DEK: variants seen among roughly 807,000 people sequenced by gnomAD.
The protein encoded by DEK is protein DEK.
DEK carries 28 observed loss-of-function variants against 46.8 expected under a neutral mutation model. The observed-to-expected ratio is 0.60, with a 90% CI of 0.44 to 0.82. DEK has a LOEUF of 0.82. Among genes scored for constraint, DEK ranks in the 40% least tolerant of loss-of-function variants. DEK has a pLI of 0.00. For synonymous variants in DEK, 160 were observed against 144.5 expected (o/e 1.11, Z -0.77); for missense variants, 416 against 430.6 (o/e 0.97, Z 0.30).
chr6:18,224,753 T>C lies in DEK; in HGVS notation c.*966A>G, dbSNP rs1790034715. 1 of 214,980 alleles carries C rather than the reference T, an allele frequency of 4.7e-6. No homozygotes were observed. The highest frequency in any genetic ancestry group is 5.8e-5 in the Admixed American group (1 of 17,154). 13.3% of individuals were successfully genotyped at this position (214,980 alleles called of 1,614,324 possible). A position where few individuals can be genotyped will look rare whatever the true frequency, so the allele number is the denominator to read the frequency against. ...TTCCAGTAAATATCAGCATTTTATA[T>C]GGGCAAAAGCAGTTAATAAAAATCA... On this transcript the variant is annotated 3_prime_UTR_variant, in exon 11 of 11. Transcript: ENST00000652689.
At chr6:18,245,978 G>T (rs914870706) in intron 7 of DEK, among the ~76,000 whole-genome samples, 3 of 152,246 alleles carry the variant, frequency 2.0e-5, no homozygotes, top group Non-Finnish European at 2.9e-5. Flanking sequence ...TTGCTGCCGC[G>T]TAAGATGGGT....
intron 6 of DEK, among the ~76,000 whole-genome samples, chr6:18,252,939 T>C (rs1334535154): frequency 6.6e-6 from 1 of 152,210 alleles, no homozygotes; most frequent in African/African-American, 2.4e-5. Flanking sequence ...CAATAAATAC[T>C]GTGTTAACTC....
Position 18,225,002 on chromosome 6 carries a change from TC to T in DEK, c.*716del. ...CCATCACTGAATTGACTTTCACTGT[TC>T]CATCATACTGTTTGGCTGAACACTG... On this transcript the variant is annotated 3_prime_UTR_variant, in exon 11 of 11. Transcript: ENST00000652689. 1.4e-5 allele frequency: 3 copies of T among 217,736 alleles called. No individual in the cohort carries two copies. The highest frequency in any genetic ancestry group is 2.8e-5 in the Non-Finnish European group (3 of 107,990). 13.5% of individuals were successfully genotyped at this position (217,736 alleles called of 1,614,324 possible).
intron 6 of DEK, among the ~76,000 whole-genome samples, chr6:18,251,430 T>C (rs1186325228): frequency 6.6e-6 from 1 of 152,196 alleles, no homozygotes; most frequent in Non-Finnish European, 1.5e-5. Flanking sequence ...TTGTATAATA[T>C]GGTACTCTTG....
At chr6:18,245,970 G>A (rs1396442115) in intron 7 of DEK, among the ~76,000 whole-genome samples, 1 of 152,250 alleles carries the variant, frequency 6.6e-6, no homozygotes, top group Non-Finnish European at 1.5e-5. Context: ...CCTCTTGCTT[G>A]CTGCCGCGTA....
At chr6:18,239,361 T>TAAA (rs377497301) in intron 7 of DEK, among the ~76,000 whole-genome samples, 13 of 120,484 alleles carry the variant, frequency 1.1e-4, no homozygotes, top group African/African-American at 4.0e-4. Context: ...TTTTTTTTTT[T>TAAA]AAAAAAAAGA....
At position 18,255,017 on chromosome 6, in the gene DEK, G is replaced by T. The variant is rs1469263421; in HGVS notation, c.573+714C>A. 2.0e-5 allele frequency among the ~76,000 whole-genome samples: 3 copies of T among 152,270 alleles called. No homozygotes were observed. In the East Asian group the frequency reaches 5.8e-4, roughly 29 times the overall value. ...TTCCCCTGAACTCCTAGGCCTGCTA[G>T]ATCTCTCACACTTCCTTTCCTGTCA... On this transcript the variant is annotated intron_variant, in intron 6 of 10. Transcript: ENST00000652689.
intron 4 of DEK, among the ~76,000 whole-genome samples, chr6:18,257,337 T>G (rs1398329879): frequency 1.3e-5 from 2 of 152,218 alleles, no homozygotes; most frequent in African/African-American, 4.8e-5. Context: ...TTCAATACAT[T>G]TAAAGGTCAC....
chr6:18,236,582 C>G lies in DEK; in HGVS notation c.917G>C (p.Ser306Thr), dbSNP rs1489205608. The change falls in exon 9 of 11, where the codon AGT becomes ACT. Residue 306 changes from serine (S) to threonine (T), a missense_variant. Transcript: ENST00000652689. ...SSKKESESEDSSDDEPLIKKL... is the reference protein window; with the variant it reads ...SSKKESESEDTSDDEPLIKKL... Reference sequence around the variant, plus strand: ...TTTAATTAAAGGTTCATCATCTGAACTATCCTCAGACTCACTTTCTAAAAG... The same window carrying G: ...TTTAATTAAAGGTTCATCATCTGAAGTATCCTCAGACTCACTTTCTAAAAG... 1 of 1,562,872 alleles carries G rather than the reference C, an allele frequency of 6.4e-7. No homozygotes were observed. Among genetic ancestry groups the G allele is most frequent in the South Asian group, 1.2e-5 (1 of 81,812 alleles).
chr6:18,227,669 A>C (rs1403004344), intron 9 of DEK, among the ~76,000 whole-genome samples: 1 of 152,198 alleles, frequency 6.6e-6, no homozygotes, highest in African/African-American at 2.4e-5. Flanking sequence ...AAACACCCAC[A>C]GGTGTGGAGG....
At chr6:18,255,482 TC>T (rs1339123235) in intron 6 of DEK, among the ~76,000 whole-genome samples, 3 of 152,216 alleles carry the variant, frequency 2.0e-5, no homozygotes, top group African/African-American at 7.2e-5. Flanking sequence ...GTACTTTCTG[TC>T]CCTTCTGACA....
chr6:18,237,442 A>T lies in DEK; in HGVS notation c.837T>A (p.Ser279Arg), dbSNP rs138816210. Reference protein sequence around the residue: ...ATSKSKKSVKSANVKKADSST... With the variant: ...ATSKSKKSVKRANVKKADSST... ...TGCTATCTGCTTTCTTAACATTGGCACTTTTCACAGATTTTTTACTTTTAG... is the reference window on the plus strand; with the variant it reads ...TGCTATCTGCTTTCTTAACATTGGCTCTTTTCACAGATTTTTTACTTTTAG... Residue 279 changes from serine (S) to arginine (R), a missense_variant, in exon 8 of 11, where the codon AGT becomes AGA. Coordinates refer to ENST00000652689, the MANE Select transcript of DEK (RefSeq NM_003472.4). The T allele has an allele frequency of 4.2e-5, 67 of 1,610,198 alleles. 1 individual carries two copies. In the African/African-American group the frequency reaches 7.7e-4, roughly 18 times the overall value.
At position 18,225,112 on chromosome 6, in the gene DEK, T is replaced by C. The variant is rs1332365795; in HGVS notation, c.*607A>G. 1 of 215,810 alleles carries C rather than the reference T, an allele frequency of 4.6e-6. No individual in the cohort carries two copies. Among genetic ancestry groups the C allele is most frequent in the Non-Finnish European group, 9.4e-6 (1 of 106,842 alleles). The allele number at this position is 215,810 out of a possible 1,614,324, so 13.4% of individuals were successfully genotyped here. On this transcript the variant is annotated 3_prime_UTR_variant, in exon 11 of 11. Coordinates refer to ENST00000652689, the MANE Select transcript of DEK (RefSeq NM_003472.4). ...GCACAAAAGAAATAAAAAAACTTTA[T>C]ATACAACCAATTGTTTTTTAAAAAT...
chr6:18,238,794 TTCC>T (rs776395494), intron 7 of DEK, among the ~76,000 whole-genome samples: 5 of 152,160 alleles, frequency 3.3e-5, no homozygotes, highest in Non-Finnish European at 7.4e-5. Context: ...AAGGAAAAGC[TTCC>T]TATTAAACAT....
chr6:18,226,367 G>T, intron 9 of DEK, 125 bp from the exon 10 acceptor site: 2 of 773,976 alleles, frequency 2.6e-6, no homozygotes, highest in Non-Finnish European at 3.7e-6. Context: ...CAGTACTCTG[G>T]TTAACCCATA....
chr6:18,252,511 A>G (rs1452843133), intron 6 of DEK, among the ~76,000 whole-genome samples: 1 of 143,742 alleles, frequency 7.0e-6, no homozygotes, highest in Non-Finnish European at 1.5e-5. Flanking sequence ...GCTGTCTCCA[A>G]AAAAAAAAAA....
chr6:18,237,363 A>G lies in DEK; in HGVS notation c.898+18T>C, dbSNP rs1438614077. ...GCTATATCTTTAAAGTTGCTGATTA[A>G]TGTTATTTCTAACATACCTTTTTTG... On this transcript the variant is annotated intron_variant, in intron 8 of 10. Coordinates refer to ENST00000652689, the MANE Select transcript of DEK (RefSeq NM_003472.4). The G allele has an allele frequency of 5.7e-6, 9 of 1,582,504 alleles. No individual in the cohort carries two copies. The highest frequency in any genetic ancestry group is 7.7e-6 in the Non-Finnish European group (9 of 1,172,106).
chr6:18,230,303 G>T (rs1409933857), intron 9 of DEK, among the ~76,000 whole-genome samples: 1 of 152,088 alleles, frequency 6.6e-6, no homozygotes, highest in African/African-American at 2.4e-5. Context: ...ATCGATGCTA[G>T]GAAGAAACTG....
intron 6 of DEK, among the ~76,000 whole-genome samples, chr6:18,251,896 ATGT>A (rs1003842347): frequency 6.6e-6 from 1 of 152,104 alleles, no homozygotes; most frequent in Non-Finnish European, 1.5e-5. Flanking sequence ...AAGTGAAAAG[ATGT>A]TAAGTTATTC....
Sources: gnomAD v4.1 joint callset for allele counts (sites outside exome capture counted in the v4.1 genomes callset) on GRCh38, gnomAD v4.1.1 for gene constraint, MANE v1.5 for transcripts, NCBI Gene and HGNC (gene_info 2026-07-23, HGNC 2026-07-21) for gene names.